LARGE1: variants seen among roughly 807,000 people sequenced by gnomAD.
The protein encoded by LARGE1 is LARGE xylosyl- and glucuronyltransferase 1.
LARGE1 carries 43 observed loss-of-function variants against 87.6 expected under a neutral mutation model. The observed-to-expected ratio is 0.49, with a 90% CI of 0.38 to 0.63. The LOEUF (loss-of-function observed/expected upper bound fraction) is 0.63. Ranked by LOEUF, LARGE1 falls within the 30% of genes least tolerant of loss-of-function variation. LARGE1 has a pLI of 0.00. For synonymous variants in LARGE1, 434 were observed against 394.6 expected (o/e 1.10, Z -1.18); for missense variants, 802 against 1,000.2 (o/e 0.80, Z 2.67).
Position 33,920,311 on chromosome 22 carries a change from T to A in LARGE1, c.-399A>T, listed in dbSNP as rs535216289. The A allele has an allele frequency of 3.0e-3, 464 of 152,372 alleles. 6 individuals carry two copies. The highest frequency in any genetic ancestry group is 2.7e-3 in the Admixed American group (42 of 15,296). 9.4% of individuals were successfully genotyped at this position (152,372 alleles called of 1,614,324 possible). The stretch of plus-strand genomic sequence containing the variant: ...GCAGGGGCCTGGGTCAGCCTCGGGT[T>A]GGGTCCAGGGAGCGACCGCCGGGGC... On this transcript the variant is annotated 5_prime_UTR_variant, in exon 1 of 15. Transcript: ENST00000397394.
intron 6 of LARGE1, among the ~76,000 whole-genome samples, chr22:33,473,255 G>A (rs1473718458): frequency 2.6e-5 from 4 of 151,632 alleles, no homozygotes; most frequent in South Asian, 2.1e-4. Context: ...TGCAACCTCC[G>A]GCTCCCAGGT....
chr22:33,787,020 C>CA (rs1184293115), intron 1 of LARGE1, among the ~76,000 whole-genome samples: 3,787 of 76,738 alleles, frequency 0.049, 184 homozygotes, highest in African/African-American at 0.13. Context: ...GACTCCATTT[C>CA]AAAAAAAAAA....
intron 7 of LARGE1, among the ~76,000 whole-genome samples, chr22:33,386,161 G>A (rs1054283707): frequency 6.7e-6 from 1 of 148,750 alleles, no homozygotes; most frequent in African/African-American, 2.4e-5. Flanking sequence ...TGCACATCAC[G>A]TATCATTTCC....
At chr22:33,745,977 C>A (rs2084067318) in intron 2 of LARGE1, among the ~76,000 whole-genome samples, 1 of 152,104 alleles carries the variant, frequency 6.6e-6, no homozygotes, top group Admixed American at 6.6e-5. Context: ...ATGAAAGAAA[C>A]CTTAGAGAGA....
At chr22:33,517,521 A>G (rs915353675) in intron 6 of LARGE1, among the ~76,000 whole-genome samples, 5 of 152,192 alleles carry the variant, frequency 3.3e-5, no homozygotes, top group African/African-American at 1.2e-4. Context: ...AGCTGGGAAT[A>G]CAGGCACCTG....
At chr22:33,761,887 T>C (rs1456018224) in intron 1 of LARGE1, among the ~76,000 whole-genome samples, 1 of 152,116 alleles carries the variant, frequency 6.6e-6, no homozygotes, top group Non-Finnish European at 1.5e-5. Context: ...GCACCTGTTA[T>C]GTACCACGTA....
At chr22:33,432,034 T>A (rs1224179414) in intron 7 of LARGE1, 127 bp downstream of exon 7, 1 of 756,208 alleles carries the variant, frequency 1.3e-6, no homozygotes, top group Non-Finnish European at 2.4e-6. Context: ...CCACAAACCA[T>A]CCACCACTGA....
chr22:33,521,535 C>G (rs2071594432), intron 6 of LARGE1, among the ~76,000 whole-genome samples: 1 of 152,194 alleles, frequency 6.6e-6, no homozygotes, highest in Non-Finnish European at 1.5e-5. Flanking sequence ...CTGCTTGTGT[C>G]ATGCTCATAC....
chr22:33,491,961 G>A (rs191622469), intron 6 of LARGE1, among the ~76,000 whole-genome samples: 1 of 152,296 alleles, frequency 6.6e-6, no homozygotes, highest in Admixed American at 6.5e-5. Context: ...GTGGCCTTAT[G>A]GCTCCACAAA....
intron 12 of LARGE1, among the ~76,000 whole-genome samples, chr22:33,296,569 C>CT (rs66851772): frequency 0.18 from 24,406 of 133,830 alleles, 2,862 homozygotes; most frequent in African/African-American, 0.32. Context: ...TTTTTCTTTT[C>CT]TTTTTTTTTT....
chr22:33,434,881 T>C (rs1411137855), intron 6 of LARGE1, among the ~76,000 whole-genome samples: 1 of 152,158 alleles, frequency 6.6e-6, no homozygotes, highest in Non-Finnish European at 1.5e-5. Flanking sequence ...TCAAGGTCCA[T>C]CTCCAGCATG....
Position 33,750,362 on chromosome 22 carries a change from T to C in LARGE1, c.106+11009A>G, listed in dbSNP as rs576862518. On this transcript the variant is annotated intron_variant, in intron 2 of 14. Transcript: ENST00000397394. Reference sequence around the variant, plus strand: ...AGGGAAAGCCAAAAATCATGACTTCTTATGTGCAATCTCCCAATATTTAAC... The same window carrying C: ...AGGGAAAGCCAAAAATCATGACTTCCTATGTGCAATCTCCCAATATTTAAC... 4.6e-5 allele frequency among the ~76,000 whole-genome samples: 7 copies of C among 152,326 alleles called. No individual in the cohort carries two copies. In the South Asian group the frequency reaches 1.0e-3, roughly 23 times the overall value.
intron 1 of LARGE1, among the ~76,000 whole-genome samples, chr22:33,887,448 G>C (rs1163292903): frequency 6.6e-6 from 1 of 152,146 alleles, no homozygotes; most frequent in Non-Finnish European, 1.5e-5. Flanking sequence ...TTATTTAAAA[G>C]TCACCTGGCC....
Position 33,634,313 on chromosome 22 carries a change from C to T in LARGE1, c.409-7987G>A, listed in dbSNP as rs907914140. On this transcript the variant is annotated intron_variant, in intron 3 of 14. Coordinates refer to ENST00000397394, the MANE Select transcript of LARGE1 (RefSeq NM_133642.5). ...CTCCCCAGTTTCTGATCCAGGATCT[C>T]TGGAGTGGAGCCTGAGAATAGTCTG... Among the ~76,000 whole-genome samples the T allele has an allele frequency of 3.3e-5, 5 of 152,168 alleles. No individual in the cohort carries two copies. The East Asian group carries it at 9.6e-4, about 29-fold the overall frequency.
At chr22:33,280,909 C>T (rs750965842) in intron 13 of LARGE1, among the ~76,000 whole-genome samples, 1 of 152,148 alleles carries the variant, frequency 6.6e-6, no homozygotes, top group Non-Finnish European at 1.5e-5. Flanking sequence ...TAGGCTTGAG[C>T]CTCTGCATTT....
intron 10 of LARGE1, among the ~76,000 whole-genome samples, chr22:33,336,252 G>A (rs1419131331): frequency 1.3e-5 from 2 of 152,174 alleles, no homozygotes; most frequent in Admixed American, 6.5e-5. Flanking sequence ...CCAGGCTTGA[G>A]TGTAGTGGCA....
intron 6 of LARGE1, among the ~76,000 whole-genome samples, chr22:33,491,802 A>G (rs5998968): frequency 0.052 from 7,917 of 152,288 alleles, 636 homozygotes; most frequent in African/African-American, 0.17. Flanking sequence ...GAAACAAAAT[A>G]AAACTGTCAA....
chr22:33,530,953 C>T (rs2072168285), intron 6 of LARGE1, among the ~76,000 whole-genome samples: 1 of 152,210 alleles, frequency 6.6e-6, no homozygotes, highest in South Asian at 2.1e-4. Context: ...GCTTGACTCT[C>T]TACCCAGTCA....
chr22:33,194,030 T>C (rs1284012403), intron 11 of LARGE1, among the ~76,000 whole-genome samples: 1 of 150,092 alleles, frequency 6.7e-6, no homozygotes. Context: ...TAAAACAATA[T>C]ATTATTTAAC....
Sources: allele counts gnomAD v4.1 joint callset (sites outside exome capture counted in the v4.1 genomes callset), GRCh38; gene constraint gnomAD v4.1.1; transcripts MANE v1.5; gene names NCBI Gene and HGNC (gene_info 2026-07-23, HGNC 2026-07-21).